ARRB1: variants seen among roughly 807,000 people sequenced by gnomAD.
The protein encoded by ARRB1 is beta-arrestin-1.
Under a neutral mutation model 56.8 loss-of-function variants are expected in ARRB1, and 21 were observed. The observed-to-expected ratio is 0.37, with a 90% confidence interval of 0.26 to 0.53. The LOEUF is 0.53. Among genes scored for constraint, ARRB1 ranks in the 20% least tolerant of loss-of-function variants. The pLI, the probability that ARRB1 is intolerant of heterozygous loss-of-function variation, is 0.88. For synonymous variants in ARRB1, 210 were observed against 218.6 expected (o/e 0.96, Z 0.35); for missense variants, 424 against 553.7 (o/e 0.77, Z 2.35).
chr11:75,312,047 C>T (rs1468299695), intron 1 of ARRB1: 1 of 1,289,412 alleles, frequency 7.8e-7, no homozygotes, highest in Non-Finnish European at 1.0e-6. Flanking sequence ...TTCCCCTCCT[C>T]TAAGTGCTGA....
At chr11:75,274,038 C>T (rs764918786) in intron 11 of ARRB1, 36 bp downstream of exon 11, 12 of 1,613,602 alleles carry the variant, frequency 7.4e-6, no homozygotes, top group Non-Finnish European at 1.0e-5. Flanking sequence ...AGGCAAGATG[C>T]ACTAGGAGCC....
rs566164616 is a variant in ARRB1, at chr11:75,265,345, G to A, written c.*818C>T. 4 of 152,526 alleles carry A rather than the reference G, an allele frequency of 2.6e-5. No homozygotes were observed. Among genetic ancestry groups the A allele is most frequent in the Non-Finnish European group, 5.9e-5 (4 of 68,192 alleles). The allele number at this position is 152,526 out of a possible 1,614,324, so 9.4% of individuals were successfully genotyped here. On this transcript the variant is annotated 3_prime_UTR_variant, in exon 16 of 16. Coordinates refer to ENST00000420843, the MANE Select transcript of ARRB1 (RefSeq NM_004041.5). ...GGAGCTTCAGCTCACTCTGCTGGGG[G>A]CTGGTGCTTGCTGAAGACCCCCTCC...
intron 7 of ARRB1, among the ~76,000 whole-genome samples, chr11:75,279,753 T>A (rs1452346773): frequency 6.6e-6 from 1 of 152,160 alleles, no homozygotes; most frequent in African/African-American, 2.4e-5. Flanking sequence ...CTACAACCTC[T>A]GCCTCCCAGC....
At chr11:75,304,834 T>C (rs907806983) in intron 1 of ARRB1, among the ~76,000 whole-genome samples, 3 of 150,754 alleles carry the variant, frequency 2.0e-5, no homozygotes, top group Admixed American at 2.0e-4. Context: ...GAGGCTGAAG[T>C]GGGAGGATCG....
intron 1 of ARRB1, among the ~76,000 whole-genome samples, chr11:75,300,709 G>C (rs1331376346): frequency 6.8e-6 from 1 of 147,898 alleles, no homozygotes; most frequent in South Asian, 2.1e-4. Context: ...GCTCACGCCT[G>C]TAATCCCAGC....
At chr11:75,268,746 T>C (rs1946001333) in intron 14 of ARRB1, 143 bp downstream of exon 14, 1 of 808,386 alleles carries the variant, frequency 1.2e-6, no homozygotes, top group African/African-American at 1.8e-5. Context: ...CAGAAGCAAA[T>C]CGAGTTCTGG....
In ARRB1 at chr11:75,283,325, T is replaced by C; in HGVS notation, c.316A>G (p.Lys106Glu). Residue 106 changes from lysine to glutamate, a missense_variant, in exon 5 of 16, where the codon AAG becomes GAG. Lys to Glu is a moderately conservative substitution (Grantham distance 56). Around this residue, in one of 3 missense-constraint regions of ARRB1, gnomAD observed 301 missense variants for 387.9 expected, o/e 0.78. Transcript: ENST00000420843. ...GGGTAAGCGTGCTCGCCCAGCTTCT[T>C]GATGAGGCGTTCCTGCAGCCGCGTC... Reference protein sequence around the residue: ...PLTRLQERLIKKLGEHAYPFT... With the variant: ...PLTRLQERLIEKLGEHAYPFT... 6.2e-7 allele frequency: 1 copy of C among 1,613,524 alleles called. No homozygotes were observed. Among genetic ancestry groups the C allele is most frequent in the South Asian group, 1.1e-5 (1 of 90,994 alleles).
In ARRB1 at chr11:75,288,863, G is replaced by A. The variant is rs138633653; in HGVS notation, c.51+1146C>T. On this transcript the variant is annotated intron_variant, in intron 2 of 15. Transcript: ENST00000420843. ...CCACCTTGGCCTCCCAAAGTGCTGG[G>A]ATTATAGGCGTGAGCCACTGTGACC... is the stretch of plus-strand genomic sequence containing the variant. Among the ~76,000 whole-genome samples, 235 of 152,282 alleles carry A rather than the reference G, an allele frequency of 1.5e-3. 2 individuals are homozygous for A. The highest frequency in any genetic ancestry group is 5.5e-3 in the African/African-American group (230 of 41,558).
chr11:75,269,779 AG>A (rs1278935943), intron 13 of ARRB1, among the ~76,000 whole-genome samples: 2 of 152,254 alleles, frequency 1.3e-5, no homozygotes, highest in African/African-American at 4.8e-5. Context: ...ATCTTGCCCA[AG>A]GCCACACAGC....
At chr11:75,274,563 G>A (rs945498870) in intron 10 of ARRB1, 4 of 182,300 alleles carry the variant, frequency 2.2e-5, no homozygotes, top group African/African-American at 7.0e-5. Flanking sequence ...AGGCCGAGGC[G>A]GGTAGATCAC....
At chr11:75,268,510 C>CAAAAAAAAAAAA (rs61409833) in intron 14 of ARRB1, among the ~76,000 whole-genome samples, 7 of 61,424 alleles carry the variant, frequency 1.1e-4, no homozygotes, top group Non-Finnish European at 1.4e-4. Flanking sequence ...GTCTCAAAAC[C>CAAAAAAAAAAAA]AAAAAAAAAA....
chr11:75,310,687 T>C (rs886645026), intron 1 of ARRB1, among the ~76,000 whole-genome samples: 8 of 152,180 alleles, frequency 5.3e-5, no homozygotes, highest in Non-Finnish European at 1.2e-4. Context: ...TCAGCCCCTG[T>C]GCTGTCTGAT....
chr11:75,343,623 A>C (rs1046728965), intron 1 of ARRB1, among the ~76,000 whole-genome samples: 1 of 152,182 alleles, frequency 6.6e-6, no homozygotes. Flanking sequence ...TAATCAGGGA[A>C]GCCACCCAGC....
At chr11:75,333,883 G>A (rs1008262798) in intron 1 of ARRB1, among the ~76,000 whole-genome samples, 4 of 152,254 alleles carry the variant, frequency 2.6e-5, no homozygotes, top group South Asian at 4.2e-4. Flanking sequence ...GGGATGCACC[G>A]CACCCTGCCA....
chr11:75,307,434 C>T (rs1947057290), intron 1 of ARRB1, among the ~76,000 whole-genome samples: 1 of 152,154 alleles, frequency 6.6e-6, no homozygotes, highest in Admixed American at 6.5e-5. Context: ...GGATGGAGGC[C>T]ATGCTTCATT....
chr11:75,266,334 C>G, intron 15 of ARRB1, 60 bp from the exon 16 acceptor site: 1 of 1,404,760 alleles, frequency 7.1e-7, no homozygotes, highest in South Asian at 1.2e-5. Context: ...GTAGGCTTAT[C>G]CAGAGGCCCG....
chr11:75,278,728 C>A lies in ARRB1; in HGVS notation c.499G>T (p.Val167Phe). The change falls in exon 8 of 16, where the codon GTC (valine) becomes TTC (phenylalanine). Residue 167 changes from valine to phenylalanine, a missense_variant. Around this residue, in one of 3 missense-constraint regions of ARRB1, gnomAD observed 301 missense variants for 387.9 expected, o/e 0.78. Transcript: ENST00000420843. The stretch of plus-strand genomic sequence containing the variant: ...GGGGCATACTGAACCTTCCGGATGA[C>A]CAGACGCACAGAATTCCTAATGGAG... ...KIHKRNSVRL[V>F]IRKVQYAPER... The A allele has an allele frequency of 6.2e-7, 1 of 1,610,500 alleles. No homozygotes were observed. The highest frequency in any genetic ancestry group is 8.5e-7 in the Non-Finnish European group (1 of 1,177,906).
At chr11:75,277,899 C>A (rs1330027026) in intron 8 of ARRB1, among the ~76,000 whole-genome samples, 1 of 152,236 alleles carries the variant, frequency 6.6e-6, no homozygotes, top group Non-Finnish European at 1.5e-5. Context: ...GGTAGGTTAT[C>A]TAAGCCTCAG....
intron 1 of ARRB1, among the ~76,000 whole-genome samples, chr11:75,343,480 G>A (rs113827832): frequency 6.6e-6 from 1 of 152,184 alleles, no homozygotes; most frequent in Non-Finnish European, 1.5e-5. Flanking sequence ...TCATATAAGC[G>A]ATAAGAACCG....
Sources: allele counts gnomAD v4.1 joint callset (sites outside exome capture counted in the v4.1 genomes callset), GRCh38; gene constraint gnomAD v4.1.1; regional missense constraint gnomAD v4.1.1; transcripts MANE v1.5; gene names NCBI Gene and HGNC (gene_info 2026-07-23, HGNC 2026-07-21).